The following PRSS38 variants were observed in gnomAD, a reference collection of about 807,000 sequenced individuals.
The protein encoded by PRSS38 is marapsin 2.
PRSS38 carries 22 observed loss-of-function variants against 26.8 expected under a neutral mutation model. That is an observed-to-expected ratio of 0.82 (90% CI 0.59 to 1.17). The LOEUF (loss-of-function observed/expected upper bound fraction) is 1.17. PRSS38 is among the 50% of genes most tolerant of loss of function. The pLI, the probability that PRSS38 is intolerant of heterozygous loss-of-function variation, is 0.00. For synonymous variants in PRSS38, 175 were observed against 172.1 expected, an observed-to-expected ratio of 1.02 and a Z score of -0.13; for missense variants, 427 against 422.7, an observed-to-expected ratio of 1.01 and a Z score of -0.09.
chr1:227,829,552 CAT>C (rs1665122222), intron 3 of PRSS38, among the ~76,000 whole-genome samples: 1 of 152,060 alleles, frequency 6.6e-6, no homozygotes, highest in African/African-American at 2.4e-5. Flanking sequence ...TTTTATTGTA[CAT>C]ATGTTTACTA....
At chr1:227,846,284 T>A in exon 5 of PRSS38, 5 of 1,557,062 alleles carry the variant, frequency 3.2e-6, no homozygotes, top group Non-Finnish European at 4.3e-6. Context: ...CCCCTAAGCA[T>A]CTCCTGTCCT....
At chr1:227,817,438 G>A (rs1664940042) in exon 3 of PRSS38, 1 of 1,614,082 alleles carries the variant, frequency 6.2e-7, no homozygotes, top group African/African-American at 1.3e-5. Context: ...CCTTACCAGT[G>A]CCAATTGCTG....
intron 3 of PRSS38, among the ~76,000 whole-genome samples, chr1:227,830,944 T>G (rs1665145450): frequency 6.6e-6 from 1 of 152,224 alleles, no homozygotes; most frequent in African/African-American, 2.4e-5. Flanking sequence ...TTGGTCATTA[T>G]AACTAAAGGT....
intron 3 of PRSS38, among the ~76,000 whole-genome samples, chr1:227,837,375 C>T (rs536457980): frequency 2.6e-5 from 4 of 152,266 alleles, no homozygotes; most frequent in Admixed American, 6.5e-5. Context: ...CAGCTTTTTT[C>T]GCTGACTACT....
Position 227,845,574 on chromosome 1 carries a change from T to C in PRSS38, c.688T>C (p.Cys230Arg), listed in dbSNP as rs1177073672. 2 of 1,613,818 alleles carry C rather than the reference T, an allele frequency of 1.2e-6. No individual in the cohort carries two copies. The highest frequency in any genetic ancestry group is 1.7e-5 in the Admixed American group (1 of 59,994). Residue 230 changes from cysteine (C) to arginine (R), a missense_variant, in exon 4 of 5, where the codon TGT becomes CGT. Transcript: ENST00000366757. ...GTCCTACATCATGCCCGACATGCTG[T>C]GTGCTGGGGACATCCTGAATGCTAA...
At chr1:227,830,507 T>A (rs1665137352) in intron 3 of PRSS38, among the ~76,000 whole-genome samples, 1 of 148,930 alleles carries the variant, frequency 6.7e-6, no homozygotes. Flanking sequence ...TCTACTTTTT[T>A]TTTTTTTTTT....
intron 3 of PRSS38, among the ~76,000 whole-genome samples, chr1:227,820,898 T>C (rs982650866): frequency 3.9e-5 from 6 of 152,214 alleles, no homozygotes; most frequent in African/African-American, 1.4e-4. Flanking sequence ...TCTCTTTACT[T>C]GTTATAGATC....
chr1:227,842,797 G>A (rs12132845), intron 3 of PRSS38, among the ~76,000 whole-genome samples: 19,837 of 151,904 alleles, frequency 0.13, 1,426 homozygotes, highest in African/African-American at 0.19. Flanking sequence ...GGGTGGTCTC[G>A]AACTCCCAGC....
At chr1:227,829,218 C>G (rs74982771) in intron 3 of PRSS38, among the ~76,000 whole-genome samples, 10,592 of 152,196 alleles carry the variant, frequency 0.07, 481 homozygotes, top group Non-Finnish European at 0.098. Context: ...TTCCAATTGG[C>G]CATTTTAGTC....
At chr1:227,831,043 C>A (rs142179338) in intron 3 of PRSS38, among the ~76,000 whole-genome samples, 1 of 152,102 alleles carries the variant, frequency 6.6e-6, no homozygotes, top group East Asian at 1.9e-4. Flanking sequence ...GATTTCCACT[C>A]TCATTTTTCT....
At chr1:227,834,929 A>G (rs985177666) in intron 3 of PRSS38, among the ~76,000 whole-genome samples, 1 of 152,236 alleles carries the variant, frequency 6.6e-6, no homozygotes, top group Non-Finnish European at 1.5e-5. Context: ...AATATTTTCA[A>G]ATTATGAATT....
chr1:227,821,694 A>T (rs1665005695), intron 3 of PRSS38, among the ~76,000 whole-genome samples: 1 of 152,158 alleles, frequency 6.6e-6, no homozygotes, highest in Admixed American at 6.5e-5. Flanking sequence ...TTTTATGAGA[A>T]ATTGGCTATT....
chr1:227,844,025 A>G (rs538965910), intron 3 of PRSS38, among the ~76,000 whole-genome samples: 1 of 151,644 alleles, frequency 6.6e-6, no homozygotes, highest in African/African-American at 2.4e-5. Context: ...CAAACAAAAA[A>G]CCCTCTGTGT....
chr1:227,823,409 A>G (rs1665029397), intron 3 of PRSS38, among the ~76,000 whole-genome samples: 1 of 151,230 alleles, frequency 6.6e-6, no homozygotes, highest in African/African-American at 2.4e-5. Flanking sequence ...GTTTGGTTCT[A>G]TTTTTTTTCT....
At position 227,816,957 on chromosome 1, in the gene PRSS38, T is replaced by G. The variant is rs1572078973; in HGVS notation, c.312-252T>G. The stretch of plus-strand genomic sequence containing the variant: ...AGTAAGAGTCAGAGCAGGTCTCACA[T>G]GCATGGGCTGCTGGCCTGTACAGCT... On this transcript the variant is annotated intron_variant, in intron 2 of 4. Coordinates refer to ENST00000366757, the Ensembl canonical transcript of PRSS38. The surrounding 1 kb of genome is among the most constrained non-coding windows in gnomAD (Gnocchi z 5.1). 6.6e-6 allele frequency among the ~76,000 whole-genome samples: 1 copy of G among 152,246 alleles called. No individual in the cohort carries two copies.
In PRSS38 at chr1:227,829,253, G is replaced by A. The variant is rs1213292536; in HGVS notation, c.583+11773G>A. On this transcript the variant is annotated intron_variant, in intron 3 of 4. Coordinates refer to ENST00000366757, the Ensembl canonical transcript of PRSS38. ...CTTGTACTAATTTTCATTTCCACCA[G>A]CAGTGTATAAGCCTTCCCTTTTCTC... Among the ~76,000 whole-genome samples, 8 of 152,090 alleles carry A rather than the reference G, an allele frequency of 5.3e-5. No homozygotes were observed. In the East Asian group the frequency reaches 1.5e-3, roughly 29 times the overall value.
At chr1:227,846,274 C>T (rs1665430013) in exon 5 of PRSS38, 1 of 1,573,020 alleles carries the variant, frequency 6.4e-7, no homozygotes, top group Non-Finnish European at 8.6e-7. Context: ...TGCCTCCAGA[C>T]CCCTAAGCAT....
intron 3 of PRSS38, among the ~76,000 whole-genome samples, chr1:227,824,540 A>G (rs528093505): frequency 1.1e-4 from 16 of 152,056 alleles, no homozygotes; most frequent in Admixed American, 2.0e-4. Flanking sequence ...TTGCATGCAT[A>G]TATCTTTATA....
intron 3 of PRSS38, among the ~76,000 whole-genome samples, chr1:227,833,848 T>C (rs1016646169): frequency 2.6e-5 from 4 of 152,192 alleles, no homozygotes; most frequent in Non-Finnish European, 5.9e-5. Flanking sequence ...AGTATAAAAT[T>C]TTAGAATAAA....
Sources: gnomAD v4.1 joint callset for allele counts (sites outside exome capture counted in the v4.1 genomes callset) on GRCh38, gnomAD v4.1.1 for gene constraint, Gnocchi (gnomAD v3.1) non-coding constraint, MANE v1.5 for transcripts, NCBI Gene and HGNC (gene_info 2026-07-23, HGNC 2026-07-21) for gene names.